HDAC2: variants seen among roughly 807,000 people sequenced by gnomAD.
HDAC2 encodes the protein YY1-associated factor 1.
Under a neutral mutation model 68.5 loss-of-function variants are expected in HDAC2, and 5 were observed. The ratio of observed to expected loss-of-function variants is 0.07; its 90% CI spans 0.04 to 0.15. The LOEUF (loss-of-function observed/expected upper bound fraction) is 0.15, where lower values mean the gene tolerates loss of function less well. Among genes scored for constraint, HDAC2 ranks in the 10% least tolerant of loss-of-function variants. HDAC2 has a pLI of 1.00. For missense variants in HDAC2, 291 were observed against 600.8 expected (o/e 0.48, Z 5.39); for synonymous variants, 182 against 191.3 (o/e 0.95, Z 0.40).
rs1416827839 is a variant in HDAC2, at chr6:113,961,424, C to G, written c.53-1406G>C. Reference sequence around the variant, plus strand: ...AGTTAACTTCATTTTCAGCACAGCTCTCTTCTGAAAACAATTCATATACAA... The same window carrying G: ...AGTTAACTTCATTTTCAGCACAGCTGTCTTCTGAAAACAATTCATATACAA... On this transcript the variant is annotated intron_variant, in intron 1 of 13. Transcript: ENST00000519065. Among the ~76,000 whole-genome samples the G allele has an allele frequency of 2.6e-5, 4 of 152,150 alleles. No individual in the cohort carries two copies. The East Asian group carries it at 7.7e-4, about 29-fold the overall frequency.
chr6:113,945,185 A>T (rs1776239774), intron 10 of HDAC2, among the ~76,000 whole-genome samples, 177 bp downstream of exon 10: 2 of 136,888 alleles, frequency 1.5e-5, no homozygotes, highest in Non-Finnish European at 3.3e-5. Context: ...TCCTGACAAA[A>T]AAATTAAAAA....
intron 4 of HDAC2, chr6:113,956,362 A>G: frequency 1.8e-6 from 1 of 568,764 alleles, no homozygotes; most frequent in South Asian, 2.6e-5. Context: ...GTTTATGTGG[A>G]AAGTGGTAGT....
intron 3 of HDAC2, among the ~76,000 whole-genome samples, chr6:113,957,927 G>C (rs1297072741): frequency 1.3e-5 from 2 of 151,876 alleles, no homozygotes; most frequent in Non-Finnish European, 2.9e-5. Flanking sequence ...AATACTACAT[G>C]TTCTAGTTAC....
In HDAC2 at chr6:113,943,512, CA is replaced by C; in HGVS notation, c.1223-7del. The C allele has an allele frequency of 1.3e-6, 2 of 1,584,366 alleles. No individual in the cohort carries two copies. Among genetic ancestry groups the C allele is most frequent in the African/African-American group, 2.7e-5 (2 of 73,444 alleles). On this transcript the variant is annotated splice_polypyrimidine_tract_variant and splice_region_variant and intron_variant, in intron 11 of 13. Coordinates refer to ENST00000519065, the MANE Select transcript of HDAC2 (RefSeq NM_001527.4). ...CCGCTTGTCTGATGCTCGAACTGCA[CA>C]GAATATTTTAATAAATTTTGACAAA...
At position 113,936,746 on chromosome 6, in the gene HDAC2, C is replaced by T. The variant is rs1776007610; in HGVS notation, c.*4312G>A. On this transcript the variant is annotated 3_prime_UTR_variant, in exon 14 of 14. Coordinates refer to ENST00000519065, the MANE Select transcript of HDAC2 (RefSeq NM_001527.4). ...GTGGCTCATGCTTGTAATCCCAGCA[C>T]TTTGGGAGGCCCAGGCGGGTGGATC... 1 of 152,502 alleles carries T rather than the reference C, an allele frequency of 6.6e-6. No individual in the cohort carries two copies. The highest frequency in any genetic ancestry group is 1.5e-5 in the Non-Finnish European group (1 of 68,338). The allele number at this position is 152,502 out of a possible 1,614,324, so 9.4% of individuals were successfully genotyped here. A position where few individuals can be genotyped will look rare whatever the true frequency, so the allele number is the denominator to read the frequency against.
At chr6:113,944,117 C>G (rs1167662892) in intron 11 of HDAC2, among the ~76,000 whole-genome samples, 163 bp downstream of exon 11, 1 of 152,176 alleles carries the variant, frequency 6.6e-6, no homozygotes, top group African/African-American at 2.4e-5. Context: ...ACACCCAAAT[C>G]AGGTTCTGAG....
At chr6:113,965,461 C>T (rs912937703) in intron 1 of HDAC2, among the ~76,000 whole-genome samples, 3 of 151,944 alleles carry the variant, frequency 2.0e-5, no homozygotes, top group East Asian at 3.9e-4. Context: ...CTCTGCCTCC[C>T]GGGTTCAAGC....
At chr6:113,942,563 T>C (rs1776161443) in intron 12 of HDAC2, among the ~76,000 whole-genome samples, 1 of 152,122 alleles carries the variant, frequency 6.6e-6, no homozygotes, top group South Asian at 2.1e-4. Context: ...CTAAAACGTG[T>C]GCTCATCACC....
At position 113,937,707 on chromosome 6, in the gene HDAC2, C is replaced by G. The variant is rs1776035079; in HGVS notation, c.*3351G>C. ...TCCAAAATAAAAATGTAAAAATCAG[C>G]TAGGTGTGATGGTGCACACTTGTAG... On this transcript the variant is annotated 3_prime_UTR_variant, in exon 14 of 14. Transcript: ENST00000519065. 6.6e-6 allele frequency: 1 copy of G among 152,016 alleles called. No individual in the cohort carries two copies. Among genetic ancestry groups the G allele is most frequent in the Non-Finnish European group, 1.5e-5 (1 of 68,080 alleles). 9.4% of individuals were successfully genotyped at this position (152,016 alleles called of 1,614,324 possible).
At chr6:113,947,245 A>T (rs1776285443) in intron 8 of HDAC2, 1 of 152,164 alleles carries the variant, frequency 6.6e-6, no homozygotes, top group Non-Finnish European at 1.5e-5. Flanking sequence ...TTCATCCCAA[A>T]ACTTGACAAA....
intron 8 of HDAC2, chr6:113,948,042 ATCT>A (rs1187434156): frequency 6.6e-6 from 1 of 152,204 alleles, no homozygotes; most frequent in African/African-American, 2.4e-5. Flanking sequence ...ACATTATAAT[ATCT>A]TATTAAATAA....
chr6:113,960,427 G>A (rs1416783352), intron 1 of HDAC2, among the ~76,000 whole-genome samples: 1 of 151,912 alleles, frequency 6.6e-6, no homozygotes, highest in Non-Finnish European at 1.5e-5. Context: ...ATGATTTGCT[G>A]GCATTTCAGA....
intron 11 of HDAC2, among the ~76,000 whole-genome samples, chr6:113,943,925 C>T (rs1208635655): frequency 6.6e-6 from 1 of 152,160 alleles, no homozygotes; most frequent in African/African-American, 2.4e-5. Context: ...TGTTATGCTA[C>T]AATCTAACCA....
At chr6:113,947,605 T>A (rs972469805) in intron 8 of HDAC2, 1 of 152,176 alleles carries the variant, frequency 6.6e-6, no homozygotes, top group African/African-American at 2.4e-5. Context: ...TGATAGTTAA[T>A]ATACACTTTT....
intron 1 of HDAC2, among the ~76,000 whole-genome samples, chr6:113,965,416 G>C (rs1776788524): frequency 1.3e-5 from 2 of 151,744 alleles, no homozygotes; most frequent in Non-Finnish European, 2.9e-5. Flanking sequence ...ACCCAGGCTG[G>C]AGTGCAATGG....
chr6:113,943,860 C>CA (rs571719548), intron 11 of HDAC2, among the ~76,000 whole-genome samples: 2,318 of 149,650 alleles, frequency 0.015, 67 homozygotes, highest in African/African-American at 0.054. Context: ...TGAAGTAGAC[C>CA]AAAAAAAAAG....
chr6:113,947,335 G>A (rs1776287454), intron 8 of HDAC2: 1 of 152,102 alleles, frequency 6.6e-6, no homozygotes, highest in African/African-American at 2.4e-5. Context: ...GAAGAACATA[G>A]CTGATGGCAG....
chr6:113,960,089 T>C (rs747638459), intron 1 of HDAC2, 71 bp from the exon 2 acceptor site: 3 of 788,494 alleles, frequency 3.8e-6, no homozygotes, highest in South Asian at 2.9e-5. Flanking sequence ...AATTTATGTA[T>C]GTCTATCATT....
chr6:113,943,452 T>A lies in HDAC2; in HGVS notation c.1277A>T (p.Asp426Val), dbSNP rs772729099. The A allele has an allele frequency of 1.9e-6, 3 of 1,610,146 alleles. No individual in the cohort carries two copies. Among genetic ancestry groups the A allele is most frequent in the Non-Finnish European group, 2.5e-6 (3 of 1,179,216 alleles). ...ATTTCTTCGACCTCCTTCTCCTTCA[T>A]CCTCAGAATCTGAGAATTCTTCATC... ...ACDEEFSDSE[D>V]EGEGGRRNVA... Residue 426 changes from aspartate to valine, a missense_variant, in exon 12 of 14, where the codon GAT becomes GTT. By Grantham distance (152) the Asp-to-Val change is radical. Transcript: ENST00000519065.
Sources: allele counts gnomAD v4.1 joint callset (sites outside exome capture counted in the v4.1 genomes callset), GRCh38; gene constraint gnomAD v4.1.1; transcripts MANE v1.5; gene names NCBI Gene and HGNC (gene_info 2026-07-23, HGNC 2026-07-21).